The following SHANK2 variants were observed in gnomAD, a reference collection of about 807,000 sequenced individuals.
SHANK2 encodes the protein SH3 and multiple ankyrin repeat domains 2, also known as SH3 and multiple ankyrin repeat domains protein 2.
Under a neutral mutation model 133.7 loss-of-function variants are expected in SHANK2, and 43 were observed. That is an observed-to-expected ratio of 0.32 (90% CI 0.25 to 0.41). The LOEUF (loss-of-function observed/expected upper bound fraction) is 0.41. Ranked by LOEUF, SHANK2 falls within the 10% of genes least tolerant of loss-of-function variation. The pLI is 1.00. For missense variants in SHANK2, 1,994 were observed against 2,235.8 expected (o/e 0.89, Z 2.18); for synonymous variants, 1,017 against 952.8 (o/e 1.07, Z -1.24).
intron 2 of SHANK2, among the ~76,000 whole-genome samples, chr11:71,203,492 A>C (rs559359966): frequency 3.9e-5 from 6 of 152,242 alleles, no homozygotes; most frequent in Non-Finnish European, 7.4e-5. Context: ...ACTCCAAAGA[A>C]AGACTGGGTC....
chr11:70,887,870 C>T (rs936455839), intron 11 of SHANK2, among the ~76,000 whole-genome samples: 2 of 152,108 alleles, frequency 1.3e-5, no homozygotes, highest in Admixed American at 1.3e-4. Flanking sequence ...AAAGGTGAGT[C>T]TCACCTCCAC....
chr11:70,760,544 T>C (rs2134974449), intron 14 of SHANK2, among the ~76,000 whole-genome samples: 1 of 152,360 alleles, frequency 6.6e-6, no homozygotes, highest in Admixed American at 6.5e-5. Context: ...CCAAATAAGG[T>C]CTGACTCATA....
At chr11:70,622,500 T>C (rs1367348138) in intron 17 of SHANK2, among the ~76,000 whole-genome samples, 1 of 152,182 alleles carries the variant, frequency 6.6e-6, no homozygotes, top group Non-Finnish European at 1.5e-5. Context: ...TCACTCACAG[T>C]TCAGGCGGCC....
chr11:70,916,264 A>T (rs1401307973), intron 10 of SHANK2, among the ~76,000 whole-genome samples: 5 of 152,152 alleles, frequency 3.3e-5, no homozygotes, highest in African/African-American at 4.8e-5. Flanking sequence ...GTAACAGTTC[A>T]TGCTGAGTTT....
intron 11 of SHANK2, 53 bp downstream of exon 11, chr11:70,896,448 T>G: frequency 1.5e-6 from 1 of 682,968 alleles, no homozygotes; most frequent in East Asian, 2.7e-5. Context: ...GACTGATTCC[T>G]CAGAGCATCT....
At position 71,200,831 on chromosome 11, in the gene SHANK2, T is replaced by TACACACACAC. The variant is rs56749664; in HGVS notation, c.-13+23856_-13+23865dup. Among the ~76,000 whole-genome samples the TACACACACAC allele has an allele frequency of 1.7e-3, 240 of 145,026 alleles. 2 individuals are homozygous for TACACACACAC. The highest frequency in any genetic ancestry group is 4.2e-3 in the African/African-American group (166 of 39,170). On this transcript the variant is annotated intron_variant, in intron 2 of 25. Transcript: ENST00000601538. Reference sequence around the variant, plus strand: ...CAGAGAGGTATCAAGTCTCAATTAATACACACACACACACACACACACACA... The same window carrying TACACACACAC: ...CAGAGAGGTATCAAGTCTCAATTAATACACACACACACACACACACACACACACACACACA...
intron 17 of SHANK2, among the ~76,000 whole-genome samples, chr11:70,653,418 C>T (rs2061362848): frequency 6.6e-6 from 1 of 151,866 alleles, no homozygotes; most frequent in Non-Finnish European, 1.5e-5. Flanking sequence ...TTTCTCAAGT[C>T]CCATTTTAAA....
chr11:70,820,695 A>G lies in SHANK2; in HGVS notation c.1175-13T>C. 1.5e-6 allele frequency: 1 copy of G among 656,130 alleles called. No homozygotes were observed. Among genetic ancestry groups the G allele is most frequent in the South Asian group, 1.7e-5 (1 of 59,148 alleles). The allele number at this position is 656,130 out of a possible 1,614,324, so 40.6% of individuals were successfully genotyped here. On this transcript the variant is annotated splice_polypyrimidine_tract_variant and intron_variant, in intron 11 of 25. Coordinates refer to ENST00000601538, the MANE Select transcript of SHANK2 (RefSeq NM_012309.5). Reference sequence around the variant, plus strand: ...TCTCGGAAGGGCACTGGGGAGAAGGACATGGAGAGAGGCCGGTGAGTGCAT... The same window carrying G: ...TCTCGGAAGGGCACTGGGGAGAAGGGCATGGAGAGAGGCCGGTGAGTGCAT...
At chr11:70,525,605 T>A (rs1224486081) in intron 17 of SHANK2, among the ~76,000 whole-genome samples, 2 of 151,954 alleles carry the variant, frequency 1.3e-5, no homozygotes, top group African/African-American at 2.4e-5. Flanking sequence ...GTTGGCAGCA[T>A]CAGAACAGGA....
chr11:70,896,913 G>A (rs1034453028), intron 10 of SHANK2, among the ~76,000 whole-genome samples: 4 of 152,110 alleles, frequency 2.6e-5, no homozygotes, highest in South Asian at 2.1e-4. Flanking sequence ...GTGTACCCAC[G>A]GGGCTTGATT....
Position 70,928,167 on chromosome 11 carries a change from T to C in SHANK2, c.1108-31600A>G, listed in dbSNP as rs574324831. 1.1e-4 allele frequency among the ~76,000 whole-genome samples: 16 copies of C among 152,292 alleles called. No individual in the cohort carries two copies. The South Asian group carries it at 2.7e-3, about 26-fold the overall frequency. ...AGGCCTGTCGACACCACAAACTGCA[T>C]GCCCTGAAACCCAGAGGGAAAAGGG... On this transcript the variant is annotated intron_variant, in intron 10 of 25. Transcript: ENST00000601538.
chr11:70,626,608 G>A (rs1555000046), intron 17 of SHANK2, among the ~76,000 whole-genome samples: 1 of 152,154 alleles, frequency 6.6e-6, no homozygotes, highest in Non-Finnish European at 1.5e-5. Flanking sequence ...TCCCACAACC[G>A]CCGAGTGGCA....
intron 10 of SHANK2, among the ~76,000 whole-genome samples, chr11:70,914,717 T>TAAAACAAAAC (rs1164452135): frequency 4.8e-5 from 7 of 145,478 alleles, no homozygotes; most frequent in African/African-American, 1.0e-4. Context: ...TAAAATAAAA[T>TAAAACAAAAC]AAAACAAAAC....
At chr11:70,826,403 C>T in intron 11 of SHANK2, 1 of 469,104 alleles carries the variant, frequency 2.1e-6, no homozygotes. Context: ...CTCTCCCCCA[C>T]CCCGAGAATC....
Position 71,081,991 on chromosome 11 carries a change from G to A in SHANK2, c.913-6716C>T, listed in dbSNP as rs937306136. 7.9e-5 allele frequency among the ~76,000 whole-genome samples: 12 copies of A among 152,306 alleles called. No homozygotes were observed. The South Asian group carries it at 1.9e-3, about 24-fold the overall frequency. On this transcript the variant is annotated intron_variant, in intron 8 of 25. Coordinates refer to ENST00000601538, the MANE Select transcript of SHANK2 (RefSeq NM_012309.5). Reference sequence around the variant, plus strand: ...AGGTGCAGTACCTGCCAGCACCCACGTCCCACAGTGAGGCTCGGTCCCAGT... The same window carrying A: ...AGGTGCAGTACCTGCCAGCACCCACATCCCACAGTGAGGCTCGGTCCCAGT...
Position 70,535,978 on chromosome 11 carries a change from G to C in SHANK2, c.2062-33047C>G, listed in dbSNP as rs2059538026. Among the ~76,000 whole-genome samples, 1 of 152,218 alleles carries C rather than the reference G, an allele frequency of 6.6e-6. No homozygotes were observed. On this transcript the variant is annotated intron_variant, in intron 17 of 25. Coordinates refer to ENST00000601538, the MANE Select transcript of SHANK2 (RefSeq NM_012309.5). The surrounding 1 kb of genome is among the most constrained non-coding windows in gnomAD (Gnocchi z 4.3). ...TGGTTGACTGAGGGGGCTGCGTGGG[G>C]GCTGGGCCTGAAGCCAGACCAGCCC...
chr11:70,526,740 T>C (rs2059403146), intron 17 of SHANK2, among the ~76,000 whole-genome samples: 1 of 152,190 alleles, frequency 6.6e-6, no homozygotes. Flanking sequence ...ATTTTGTGAT[T>C]TCTTTTCAGT....
chr11:70,729,841 G>A (rs1317793855), intron 14 of SHANK2, among the ~76,000 whole-genome samples: 2 of 148,192 alleles, frequency 1.3e-5, no homozygotes, highest in Admixed American at 6.8e-5. Flanking sequence ...CCTGCACTGT[G>A]TACTTTAAAA....
At chr11:71,205,037 C>T (rs1954101644) in intron 2 of SHANK2, among the ~76,000 whole-genome samples, 1 of 152,238 alleles carries the variant, frequency 6.6e-6, no homozygotes, top group African/African-American at 2.4e-5. Flanking sequence ...CCCATGAAGG[C>T]AGCCCCAGCA....
Sources: allele counts gnomAD v4.1 joint callset (sites outside exome capture counted in the v4.1 genomes callset), GRCh38; gene constraint gnomAD v4.1.1; non-coding constraint Gnocchi (gnomAD v3.1); transcripts MANE v1.5; gene names NCBI Gene and HGNC (gene_info 2026-07-23, HGNC 2026-07-21).